Variants in CDC42BPG observed in about 807,000 individuals in gnomAD.
The protein encoded by CDC42BPG is CDC42 binding protein kinase gamma.
A neutral mutation model predicts 192.2 loss-of-function variants in CDC42BPG; 157 were observed. The ratio of observed to expected loss-of-function variants is 0.82; its 90% CI spans 0.72 to 0.93. The LOEUF (loss-of-function observed/expected upper bound fraction) is 0.93, where lower values mean the gene tolerates loss of function less well. CDC42BPG is among the 40% of genes least tolerant of loss of function. The pLI is 0.00. For synonymous variants in CDC42BPG, 981 were observed against 918.5 expected, an observed-to-expected ratio of 1.07 and a Z score of -1.23; for missense variants, 1,992 against 2,122.1, an observed-to-expected ratio of 0.94 and a Z score of 1.20.
rs192561803 is a variant in CDC42BPG, at chr11:64,824,107, C to T, written c.*366G>A. ...ACAGTCCACAGATAAGACCTCCAAC[C>T]TGTTCCCAGAGACCCAGTCCCTCTC... On this transcript the variant is annotated 3_prime_UTR_variant, in exon 37 of 37. Coordinates refer to ENST00000342711, the MANE Select transcript of CDC42BPG (RefSeq NM_017525.3). 1.5e-5 allele frequency: 5 copies of T among 334,874 alleles called. No homozygotes were observed. The East Asian group carries it at 4.2e-4, about 28-fold the overall frequency. The allele number at this position is 334,874 out of a possible 1,614,324, so 20.7% of individuals were successfully genotyped here.
intron 36 of CDC42BPG, among the ~76,000 whole-genome samples, chr11:64,825,902 C>T (rs59123802): frequency 0.014 from 2,194 of 152,096 alleles, 46 homozygotes; most frequent in African/African-American, 0.049. Flanking sequence ...CCCATCTCTA[C>T]TTAAAATACA....
Position 64,830,284 on chromosome 11 carries a change from G to A in CDC42BPG, c.3305-28C>T, listed in dbSNP as rs754299595. ...GGTAGAGGGAGGCAGAGGGTCAGAG[G>A]TCAGCAGTCCCACTCAATGACACGG... is the stretch of plus-strand genomic sequence containing the variant. On this transcript the variant is annotated intron_variant, in intron 28 of 36. Coordinates refer to ENST00000342711, the MANE Select transcript of CDC42BPG (RefSeq NM_017525.3). The A allele has an allele frequency of 3.2e-5, 51 of 1,571,310 alleles. No individual in the cohort carries two copies. In the Middle Eastern group the frequency reaches 5.0e-4, roughly 15 times the overall value.
chr11:64,830,275 G>A lies in CDC42BPG; in HGVS notation c.3305-19C>T, dbSNP rs1942624588. On this transcript the variant is annotated intron_variant, in intron 28 of 36. Coordinates refer to ENST00000342711, the MANE Select transcript of CDC42BPG (RefSeq NM_017525.3). Reference sequence around the variant, plus strand: ...TCCTGGTCTGGTAGAGGGAGGCAGAGGGTCAGAGGTCAGCAGTCCCACTCA... The same window carrying A: ...TCCTGGTCTGGTAGAGGGAGGCAGAAGGTCAGAGGTCAGCAGTCCCACTCA... 6.3e-7 allele frequency: 1 copy of A among 1,592,204 alleles called. No individual in the cohort carries two copies. The highest frequency in any genetic ancestry group is 8.6e-7 in the Non-Finnish European group (1 of 1,168,488).
At position 64,835,170 on chromosome 11, in the gene CDC42BPG, G is replaced by A. The variant is rs756981856; in HGVS notation, c.1954-17C>T. The A allele has an allele frequency of 3.1e-6, 5 of 1,601,942 alleles. No individual in the cohort carries two copies. The highest frequency in any genetic ancestry group is 1.7e-5 in the Admixed American group (1 of 59,976). On this transcript the variant is annotated splice_polypyrimidine_tract_variant and intron_variant, in intron 16 of 36. Transcript: ENST00000342711. ...TGCTTCTAGCTGGGGCCGGCCAGAGGAAAGGTCAGCCCCAGGCCCCAGCAG... is the reference window on the plus strand; with the variant it reads ...TGCTTCTAGCTGGGGCCGGCCAGAGAAAAGGTCAGCCCCAGGCCCCAGCAG...
intron 5 of CDC42BPG, among the ~76,000 whole-genome samples, chr11:64,839,870 A>T (rs1355004658): frequency 6.6e-6 from 1 of 152,132 alleles, no homozygotes; most frequent in Non-Finnish European, 1.5e-5. Flanking sequence ...GCCACCCGAG[A>T]GCCGAGTCAC....
In CDC42BPG at chr11:64,841,630, C is replaced by A; in HGVS notation, c.336+20G>T. 1.3e-5 allele frequency: 21 copies of A among 1,606,698 alleles called. No individual in the cohort carries two copies. Among genetic ancestry groups the A allele is most frequent in the Non-Finnish European group, 1.8e-5 (21 of 1,174,030 alleles). ...ACCCATTTGTAGGGTGCCCAAGGGC[C>A]CCCCAGACTCCACACTGACCTCAGC... On this transcript the variant is annotated intron_variant, in intron 3 of 36. Coordinates refer to ENST00000342711, the MANE Select transcript of CDC42BPG (RefSeq NM_017525.3).
In CDC42BPG at chr11:64,824,418, T is replaced by C; in HGVS notation, c.*55A>G. Reference sequence around the variant, plus strand: ...CCGGAGTATGGCATTCCTCAAGCTCTTTGCTCCCTCATGTCCTTCTGCCCT... The same window carrying C: ...CCGGAGTATGGCATTCCTCAAGCTCCTTGCTCCCTCATGTCCTTCTGCCCT... On this transcript the variant is annotated 3_prime_UTR_variant, in exon 37 of 37. Transcript: ENST00000342711. 8.2e-7 allele frequency: 1 copy of C among 1,214,880 alleles called. No homozygotes were observed. The highest frequency in any genetic ancestry group is 1.2e-6 in the Non-Finnish European group (1 of 814,066). 75.3% of individuals were successfully genotyped at this position (1,214,880 alleles called of 1,614,324 possible). A position where few individuals can be genotyped will look rare whatever the true frequency, so the allele number is the denominator to read the frequency against.
chr11:64,834,661 C>A, intron 18 of CDC42BPG, 84 bp from the exon 19 acceptor site: 8 of 1,447,570 alleles, frequency 5.5e-6, no homozygotes, highest in Non-Finnish European at 7.3e-6. Flanking sequence ...ATCCTGCTAC[C>A]CATGCCACCC....
chr11:64,844,289 G>T (rs2136440650), intron 1 of CDC42BPG, 121 bp downstream of exon 1: 2 of 1,000,758 alleles, frequency 2.0e-6, no homozygotes, highest in Non-Finnish European at 2.6e-6. Flanking sequence ...CAGGGCCACT[G>T]CAGGGAGTCT....
chr11:64,833,327 G>A lies in CDC42BPG; in HGVS notation c.2635C>T (p.His879Tyr), dbSNP rs1301687204. 3 of 1,521,784 alleles carry A rather than the reference G, an allele frequency of 2.0e-6. No homozygotes were observed. The highest frequency in any genetic ancestry group is 2.7e-6 in the Non-Finnish European group (3 of 1,131,078). The allele number at this position is 1,521,784 out of a possible 1,614,324, so 94.3% of individuals were successfully genotyped here. A position where few individuals can be genotyped will look rare whatever the true frequency, so the allele number is the denominator to read the frequency against. The change falls in exon 24 of 37, where the codon CAC (histidine) becomes TAC (tyrosine). Residue 879 changes from histidine (H) to tyrosine (Y), a missense_variant. His to Tyr is a moderately conservative substitution (Grantham distance 83). This residue lies in a region of CDC42BPG where 1,656 missense variants were observed against 1,844.3 expected (regional missense o/e 0.90). Transcript: ENST00000342711. ...TEGLPAKPGS[H>Y]TLRPRSFPSP... Reference sequence around the variant, plus strand: ...GGGAAGCTCCGGGGGCGCAGCGTGTGTGAGCCGGGCTGGGGAGGGGGACAG... The same window carrying A: ...GGGAAGCTCCGGGGGCGCAGCGTGTATGAGCCGGGCTGGGGAGGGGGACAG...
Position 64,831,592 on chromosome 11 carries a change from G to T in CDC42BPG, c.3217C>A (p.Pro1073Thr), listed in dbSNP as rs367713024. The T allele has an allele frequency of 5.0e-6, 8 of 1,612,140 alleles. No individual in the cohort carries two copies. The African/African-American group carries it at 6.7e-5, about 13-fold the overall frequency. The change falls in exon 28 of 37, where the codon CCA becomes ACA. Residue 1073 changes from proline to threonine, a missense_variant. Pro to Thr is a conservative substitution (Grantham distance 38). Around this residue, in one of 2 missense-constraint regions of CDC42BPG, gnomAD observed 1,656 missense variants for 1,844.3 expected, o/e 0.90. Transcript: ENST00000342711. ...AGTGTGTACACGGGCCGGGGTCTTG[G>T]CCGCGCGTCCAGCAGCAGCCGCTGC... ...ELQRLLLDAR[P>T]RPRPVYTLKE...
At chr11:64,828,615 AAG>A (rs1387597307) in intron 30 of CDC42BPG, among the ~76,000 whole-genome samples, 2 of 152,192 alleles carry the variant, frequency 1.3e-5, no homozygotes, top group Non-Finnish European at 2.9e-5. Context: ...GTACCTAGTT[AAG>A]AGTTTGCCAG....
Position 64,836,719 on chromosome 11 carries a change from G to GGGGGGC in CDC42BPG, c.1384+19_1384+20insGCCCCC. 1 of 842,258 alleles carries GGGGGGC rather than the reference G, an allele frequency of 1.2e-6. No homozygotes were observed. Among genetic ancestry groups the GGGGGGC allele is most frequent in the Non-Finnish European group, 1.7e-6 (1 of 582,312 alleles). 52.2% of individuals were successfully genotyped at this position (842,258 alleles called of 1,614,324 possible). The stretch of plus-strand genomic sequence containing the variant: ...GGGACTCAGCCCTGGGGGGGGGGGG[G>GGGGGGC]GGGTGGGCGGAAGGGATACCTGGCA... On this transcript the variant is annotated intron_variant, in intron 11 of 36. Coordinates refer to ENST00000342711, the MANE Select transcript of CDC42BPG (RefSeq NM_017525.3).
At chr11:64,838,237 GACCAGGTGCGACCA>G in intron 8 of CDC42BPG, 75 bp from the exon 9 acceptor site, 1 of 1,116,946 alleles carries the variant, frequency 9.0e-7, no homozygotes, top group Non-Finnish European at 1.3e-6. Context: ...AGCCCCCTGG[GACCAGGTGCGACCA>G]CCTCCTGCAC....
intron 3 of CDC42BPG, 122 bp from the exon 4 acceptor site, chr11:64,840,770 C>T: frequency 1.3e-6 from 1 of 781,098 alleles, no homozygotes. Flanking sequence ...GGTCATAGCT[C>T]TACTGTCCCC....
chr11:64,838,627 C>A, intron 8 of CDC42BPG, 27 bp downstream of exon 8: 1 of 1,607,832 alleles, frequency 6.2e-7, no homozygotes, highest in Non-Finnish European at 8.5e-7. Context: ...GGGCAGCTCC[C>A]CTCCTGCAGT....
intron 23 of CDC42BPG, 98 bp downstream of exon 23, chr11:64,833,502 C>T (rs1473293224): frequency 8.1e-7 from 1 of 1,232,790 alleles, no homozygotes; most frequent in African/African-American, 1.5e-5. Context: ...CCAATTGTGC[C>T]TGCTAGCCAC....
At chr11:64,841,790 C>T in intron 2 of CDC42BPG, 23 bp downstream of exon 2, 1 of 1,613,460 alleles carries the variant, frequency 6.2e-7, no homozygotes, top group Non-Finnish European at 8.5e-7. Context: ...CCTCCCCCCA[C>T]CTACCCCAGG....
Position 64,836,309 on chromosome 11 carries a change from G to T in CDC42BPG, c.1489-13C>A. 6.2e-7 allele frequency: 1 copy of T among 1,608,160 alleles called. No homozygotes were observed. Among genetic ancestry groups the T allele is most frequent in the South Asian group, 1.1e-5 (1 of 90,706 alleles). On this transcript the variant is annotated splice_polypyrimidine_tract_variant and intron_variant, in intron 12 of 36. Coordinates refer to ENST00000342711, the MANE Select transcript of CDC42BPG (RefSeq NM_017525.3). ...CCTCGGCCAGCTCCTGAGGAGGCAGGGGAGGGAGCGGGGAAGGACAAGGCC... is the reference window on the plus strand; with the variant it reads ...CCTCGGCCAGCTCCTGAGGAGGCAGTGGAGGGAGCGGGGAAGGACAAGGCC...
Sources: allele counts gnomAD v4.1 joint callset (sites outside exome capture counted in the v4.1 genomes callset), GRCh38; gene constraint gnomAD v4.1.1; regional missense constraint gnomAD v4.1.1; transcripts MANE v1.5; gene names NCBI Gene and HGNC (gene_info 2026-07-23, HGNC 2026-07-21).